RP1L1: variants seen among roughly 807,000 people sequenced by gnomAD.
RP1L1 encodes retinitis pigmentosa 1-like 1 protein.
Under a neutral mutation model 15.7 loss-of-function variants are expected in RP1L1, and 27 were observed. The ratio of observed to expected loss-of-function variants is 1.72; its 90% CI spans 1.27 to 2.38. The LOEUF (loss-of-function observed/expected upper bound fraction) is 2.38. RP1L1 is among the 30% of genes most tolerant of loss of function. The pLI is 0.00. For synonymous variants in RP1L1, 1,813 were observed against 1,276.7 expected (o/e 1.42, Z -8.96); for missense variants, 4,798 against 3,075.9 (o/e 1.56, Z -13.24).
chr8:10,616,745 A>C (rs924296767), intron 2 of RP1L1, among the ~76,000 whole-genome samples, 158 bp from the exon 3 acceptor site: 3 of 152,154 alleles, frequency 2.0e-5, no homozygotes, highest in African/African-American at 4.8e-5. Context: ...TCCACTCCCC[A>C]TAACACCTCT....
In RP1L1 at chr8:10,609,730, A is replaced by G; in HGVS notation, c.4368T>C (p.His1456=). The part of the protein sequence containing the change: ...GTEEPTEPPS[H]LSETDPSASE... ...TGGCACTTGGGTCCGTCTCGCTGAG[A>G]TGACTAGGGGGCTCTGTGGGTTCCT... is the stretch of plus-strand genomic sequence containing the variant. The change falls in exon 4 of 4, where the codon CAT becomes CAC. Residue 1456 remains histidine (H), a synonymous_variant. Coordinates refer to ENST00000382483, the MANE Select transcript of RP1L1 (RefSeq NM_178857.6). The G allele has an allele frequency of 6.2e-7, 1 of 1,613,344 alleles. No homozygotes were observed. The highest frequency in any genetic ancestry group is 1.1e-5 in the South Asian group (1 of 91,058).
rs1797839396 is a variant in RP1L1 at position 10,611,037 on chromosome 8, C to G, written c.3061G>C (p.Asp1021His). The G allele has an allele frequency of 6.2e-7, 1 of 1,612,670 alleles. No individual in the cohort carries two copies. The highest frequency in any genetic ancestry group is 1.3e-5 in the African/African-American group (1 of 74,924). Reference protein sequence around the residue: ...QQSLEGDPGQDPEPEGALLGS... With the variant: ...QQSLEGDPGQHPEPEGALLGS... Reference sequence around the variant, plus strand: ...AGGAGGGCTCCCTCTGGCTCTGGGTCCTGGCCGGGGTCCCCTTCCAGGGAC... The same window carrying G: ...AGGAGGGCTCCCTCTGGCTCTGGGTGCTGGCCGGGGTCCCCTTCCAGGGAC... Residue 1021 changes from aspartate to histidine, a missense_variant, in exon 4 of 4, where the codon GAC becomes CAC. Physicochemically the swap from Asp to His is moderately conservative, Grantham distance 81. Coordinates refer to ENST00000382483, the MANE Select transcript of RP1L1 (RefSeq NM_178857.6).
chr8:10,620,371 C>T (rs778447929), intron 2 of RP1L1, among the ~76,000 whole-genome samples: 24 of 152,140 alleles, frequency 1.6e-4, no homozygotes, highest in Admixed American at 5.9e-4. Flanking sequence ...TTTGGGAGGC[C>T]GAGGCAGATG....
chr8:10,623,170 G>C lies in RP1L1; in HGVS notation c.32C>G (p.Pro11Arg), dbSNP rs199642627. 3 of 1,581,534 alleles carry C rather than the reference G, an allele frequency of 1.9e-6. No individual in the cohort carries two copies. The highest frequency in any genetic ancestry group is 2.6e-6 in the Non-Finnish European group (3 of 1,162,648). ...GGGCAGGAAGCACTCACGGTGGCTC[G>C]GGGCCTGGGCATTCCTGGGGGTGCT... The part of the protein sequence containing the change: MNSTPRNAQA[P>R]SHRECFLPSV... Residue 11 changes from proline to arginine, a missense_variant, in exon 2 of 4, where the codon CCG becomes CGG. Physicochemically the swap from Pro to Arg is moderately radical, Grantham distance 103 (BLOSUM62 -2). Transcript: ENST00000382483.
At chr8:10,649,816 T>C (rs1224122510) in intron 1 of RP1L1, among the ~76,000 whole-genome samples, 5 of 152,114 alleles carry the variant, frequency 3.3e-5, no homozygotes, top group Non-Finnish European at 7.3e-5. Context: ...TGCAAGCAAT[T>C]CCCTGAAGCC....
chr8:10,613,373 A>G (rs1171995345), intron 3 of RP1L1, 27 bp from the exon 4 acceptor site: 1 of 1,598,904 alleles, frequency 6.3e-7, no homozygotes, highest in Admixed American at 1.7e-5. Flanking sequence ...AGGAAAAGAA[A>G]AGAAGAAAAG....
intron 1 of RP1L1, among the ~76,000 whole-genome samples, chr8:10,635,269 C>G (rs995920516): frequency 1.3e-5 from 2 of 151,432 alleles, no homozygotes; most frequent in African/African-American, 4.9e-5. Flanking sequence ...ACCCGTTAGC[C>G]TCAGCAGCCC....
rs755423436 is a variant in RP1L1 at position 10,607,348 on chromosome 8, C to A, written c.6750G>T (p.Lys2250Asn). 3.1e-6 allele frequency: 5 copies of A among 1,614,146 alleles called. No individual in the cohort carries two copies. Among genetic ancestry groups the A allele is most frequent in the Non-Finnish European group, 4.2e-6 (5 of 1,179,984 alleles). Residue 2250 changes from lysine to asparagine, a missense_variant, in exon 4 of 4, where the codon AAG becomes AAT. Transcript: ENST00000382483. ...ESEGETQGEKKGSPQVSLGDG... is the reference protein window; with the variant it reads ...ESEGETQGEKNGSPQVSLGDG... The stretch of plus-strand genomic sequence containing the variant: ...CTCCTAGACTGACCTGAGGGCTCCC[C>A]TTTTTCTCACCTTGAGTTTCTCCTT...
chr8:10,623,534 A>C (rs13260041), intron 1 of RP1L1, among the ~76,000 whole-genome samples: 13 of 150,642 alleles, frequency 8.6e-5, no homozygotes, highest in Admixed American at 4.6e-4. Flanking sequence ...CCAGGACCAC[A>C]ATGTCCCCAG....
chr8:10,607,381 T>C lies in RP1L1; in HGVS notation c.6717A>G (p.Pro2239=), dbSNP rs748877783. 7.5e-6 allele frequency: 12 copies of C among 1,607,696 alleles called. No individual in the cohort carries two copies. The East Asian group carries it at 2.7e-4, about 36-fold the overall frequency. Residue 2239 remains proline (P), a synonymous_variant, in exon 4 of 4, where the codon CCA becomes CCG. Transcript: ENST00000382483. The part of the protein sequence containing the change: ...ETPEAEGEAQ[P]ESEGETQGEK... The stretch of plus-strand genomic sequence containing the variant: ...CACCTTGAGTTTCTCCTTCTGACTC[T>C]GGCTGGGCCTCCCCTTCAGCCTCCG...
At chr8:10,645,727 C>A (rs1798467046) in intron 1 of RP1L1, among the ~76,000 whole-genome samples, 1 of 152,136 alleles carries the variant, frequency 6.6e-6, no homozygotes, top group Non-Finnish European at 1.5e-5. Flanking sequence ...CTCAACCAAG[C>A]AAACGGACAC....
rs764566237 is a variant in RP1L1, at chr8:10,616,543, C to T, written c.654G>A (p.Val218=). Residue 218 remains valine, a synonymous_variant, in exon 3 of 4, where the codon GTG becomes GTA. Coordinates refer to ENST00000382483, the MANE Select transcript of RP1L1 (RefSeq NM_178857.6). ...TTCTGAAGGCCTCATGCCCGGCACA[C>T]ACCAGCACAGAGGGGCTGTGCAGCA... ...QALLHSPSVL[V]CAGHEAFRTP... is the part of the protein sequence containing the mutation. 8.1e-6 allele frequency: 13 copies of T among 1,613,944 alleles called. No individual in the cohort carries two copies. Among genetic ancestry groups the T allele is most frequent in the Non-Finnish European group, 1.0e-5 (12 of 1,180,052 alleles).
chr8:10,611,401 C>A lies in RP1L1; in HGVS notation c.2697G>T (p.Pro899=), dbSNP rs370840162. ...ATGCCCCTGAATTGGGGCCTGGGGA[C>A]GGCGTGGGGCCTGGCTGGCGTGTCC... The part of the protein sequence containing the change: ...QEGTRQPGPT[P]SPGPNSGASR... Residue 899 remains proline, a synonymous_variant, in exon 4 of 4, where the codon CCG becomes CCT. Coordinates refer to ENST00000382483, the MANE Select transcript of RP1L1 (RefSeq NM_178857.6). 2.5e-6 allele frequency: 4 copies of A among 1,600,326 alleles called. No homozygotes were observed. In the Admixed American group the frequency reaches 5.1e-5, roughly 21 times the overall value.
intron 1 of RP1L1, among the ~76,000 whole-genome samples, chr8:10,624,593 C>G (rs185744497): frequency 1.5e-4 from 23 of 152,282 alleles, no homozygotes; most frequent in African/African-American, 3.8e-4. Context: ...CTCTGACCAG[C>G]TGGGTGGTGT....
rs1182708149 is a variant in RP1L1 at position 10,608,824 on chromosome 8, G to T, written c.5274C>A (p.Pro1758=). The change falls in exon 4 of 4, where the codon CCC becomes CCA. Residue 1758 remains proline (P), a synonymous_variant. Coordinates refer to ENST00000382483, the MANE Select transcript of RP1L1 (RefSeq NM_178857.6). ...GSQRLNRDKD[P]KLGEAEGDAM... is the part of the protein sequence containing the mutation. ...CATCTCCCTCTGCCTCCCCGAGTTT[G>T]GGATCTTTGTCTCTGTTGAGTCTCT... 1.2e-6 allele frequency: 2 copies of T among 1,614,024 alleles called. No individual in the cohort carries two copies. Among genetic ancestry groups the T allele is most frequent in the Admixed American group, 1.7e-5 (1 of 60,008 alleles).
Position 10,623,052 on chromosome 8 carries a change from G to A in RP1L1, c.150C>T (p.Arg50=), listed in dbSNP as rs750998640. ...KRGDPRFAGV[R]LAVHQRAFKT... is the part of the protein sequence containing the mutation. ...TAAAGGCGCGCTGGTGAACGGCCAG[G>A]CGGACCCCAGCAAACCGTGGATCCC... Residue 50 remains arginine, a synonymous_variant, in exon 2 of 4, where the codon CGC becomes CGT. Coordinates refer to ENST00000382483, the MANE Select transcript of RP1L1 (RefSeq NM_178857.6). 7 of 1,614,154 alleles carry A rather than the reference G, an allele frequency of 4.3e-6. No homozygotes were observed. Among genetic ancestry groups the A allele is most frequent in the Non-Finnish European group, 5.9e-6 (7 of 1,180,034 alleles).
At chr8:10,647,025 A>T in intron 1 of RP1L1, among the ~76,000 whole-genome samples, 1 of 152,172 alleles carries the variant, frequency 6.6e-6, no homozygotes, top group East Asian at 1.9e-4. Flanking sequence ...ACCAGCAGAG[A>T]TCCACGAGGG....
intron 1 of RP1L1, among the ~76,000 whole-genome samples, chr8:10,626,040 G>A (rs1046481501): frequency 2.0e-5 from 3 of 152,114 alleles, no homozygotes; most frequent in African/African-American, 7.2e-5. Flanking sequence ...CAGATTACGG[G>A]GCAAAAGGAG....
chr8:10,640,920 G>A (rs977072222), intron 1 of RP1L1, among the ~76,000 whole-genome samples: 3 of 151,956 alleles, frequency 2.0e-5, no homozygotes, highest in Admixed American at 6.6e-5. Context: ...ATAGGTGCAC[G>A]CCACCATGCC....
Sources: allele counts gnomAD v4.1 joint callset (sites outside exome capture counted in the v4.1 genomes callset), GRCh38; gene constraint gnomAD v4.1.1; transcripts MANE v1.5; gene names NCBI Gene and HGNC (gene_info 2026-07-23, HGNC 2026-07-21).